PRKN: variants seen among roughly 807,000 people sequenced by gnomAD.
PRKN encodes E3 ubiquitin-protein ligase parkin.
Under a neutral mutation model 59.5 loss-of-function variants are expected in PRKN, and 56 were observed. The ratio of observed to expected loss-of-function variants is 0.94; its 90% confidence interval spans 0.76 to 1.18. PRKN has a LOEUF of 1.18. Ranked by LOEUF, PRKN falls within the 50% of genes most tolerant of loss-of-function variation. The pLI is 0.00. For missense variants in PRKN, 657 were observed against 596.4 expected (o/e 1.10, Z -1.06); for synonymous variants, 250 against 222.1 (o/e 1.13, Z -1.12).
chr6:161,711,087 C>A (rs979181135), intron 7 of PRKN, among the ~76,000 whole-genome samples: 1 of 151,974 alleles, frequency 6.6e-6, no homozygotes, highest in Non-Finnish European at 1.5e-5. Flanking sequence ...AAAAACCTAT[C>A]TTTTCAGACA....
chr6:162,040,060 T>C (rs1001898176), intron 5 of PRKN, among the ~76,000 whole-genome samples: 1 of 152,188 alleles, frequency 6.6e-6, no homozygotes, highest in Non-Finnish European at 1.5e-5. Flanking sequence ...GTTTAAAAGC[T>C]GGGAGGTGGA....
rs115115938 is a variant in PRKN, at chr6:161,741,645, C to T, written c.871+44127G>A. ...GGATGAGGCCTGGGCAGTAAACACA[C>T]CACGAGGGTTCAAACTGGTCTGGGG... On this transcript the variant is annotated intron_variant, in intron 7 of 11. Coordinates refer to ENST00000366898, the MANE Select transcript of PRKN (RefSeq NM_004562.3). 1.8e-3 allele frequency among the ~76,000 whole-genome samples: 271 copies of T among 152,210 alleles called. 2 individuals carry two copies. Among genetic ancestry groups the T allele is most frequent in the African/African-American group, 6.3e-3 (260 of 41,558 alleles).
intron 6 of PRKN, among the ~76,000 whole-genome samples, chr6:161,943,655 G>A (rs1366130893): frequency 1.3e-5 from 2 of 151,450 alleles, no homozygotes; most frequent in Non-Finnish European, 2.9e-5. Context: ...TGAGGGATCA[G>A]CCTTGAGGAA....
chr6:162,333,771 T>G (rs1242003205), intron 2 of PRKN, among the ~76,000 whole-genome samples: 1 of 151,922 alleles, frequency 6.6e-6, no homozygotes, highest in Non-Finnish European at 1.5e-5. Flanking sequence ...AAATCAAAGC[T>G]AGAAATGATA....
chr6:162,282,200 A>T (rs147308888), intron 2 of PRKN, among the ~76,000 whole-genome samples: 2 of 152,324 alleles, frequency 1.3e-5, no homozygotes, highest in East Asian at 3.9e-4. Context: ...GGTCAAAGGC[A>T]GAATTAATGG....
At chr6:162,331,355 C>G (rs1374059278) in intron 2 of PRKN, among the ~76,000 whole-genome samples, 1 of 152,172 alleles carries the variant, frequency 6.6e-6, no homozygotes, top group African/African-American at 2.4e-5. Flanking sequence ...GTGGGTTTAA[C>G]TTTCCTTTCA....
intron 7 of PRKN, among the ~76,000 whole-genome samples, chr6:161,628,088 C>T (rs1783158656): frequency 2.0e-5 from 3 of 152,098 alleles, no homozygotes; most frequent in Non-Finnish European, 2.9e-5. Flanking sequence ...GTATACAATA[C>T]TTCTAAATAT....
At position 161,454,013 on chromosome 6, in the gene PRKN, G is replaced by A. The variant is rs912903638; in HGVS notation, c.1084-67136C>T. ...AATATATAACAGAAGTGTTTTCTTG[G>A]TGTCTGCAATGCAAATTCTGATGTC... is the stretch of plus-strand genomic sequence containing the variant. On this transcript the variant is annotated intron_variant, in intron 9 of 11. Transcript: ENST00000366898. This position sits in a 1 kb window ranked among gnomAD's most constrained non-coding sequence, Gnocchi z 4.6. 2.0e-5 allele frequency among the ~76,000 whole-genome samples: 3 copies of A among 151,906 alleles called. No individual in the cohort carries two copies. The East Asian group carries it at 5.8e-4, about 29-fold the overall frequency.
At chr6:162,360,597 C>A (rs1785092589) in intron 2 of PRKN, among the ~76,000 whole-genome samples, 1 of 151,786 alleles carries the variant, frequency 6.6e-6, no homozygotes, top group Non-Finnish European at 1.5e-5. Context: ...AAAAAACAAA[C>A]AAAAAAACCA....
At chr6:161,698,479 T>C (rs574104316) in intron 7 of PRKN, among the ~76,000 whole-genome samples, 3 of 152,150 alleles carry the variant, frequency 2.0e-5, no homozygotes, top group Non-Finnish European at 4.4e-5. Flanking sequence ...ATTCTAAAGT[T>C]TATGTGGAAG....
intron 2 of PRKN, among the ~76,000 whole-genome samples, chr6:162,265,859 G>A (rs1583288510): frequency 6.6e-6 from 1 of 152,254 alleles, no homozygotes; most frequent in East Asian, 1.9e-4. Flanking sequence ...ATGAGAAGAT[G>A]GCATACTTTT....
In PRKN at chr6:162,071,514, C is replaced by A. The variant is rs371435843; in HGVS notation, c.535-17340G>T. On this transcript the variant is annotated intron_variant, in intron 4 of 11. Coordinates refer to ENST00000366898, the MANE Select transcript of PRKN (RefSeq NM_004562.3). ...TTCTCCAAAAGTTCCAATAGGATCC[C>A]TCTTAAATTTCCATCAGGTCATGGG... Among the ~76,000 whole-genome samples, 261 of 151,980 alleles carry A rather than the reference C, an allele frequency of 1.7e-3. 2 individuals carry two copies. Among genetic ancestry groups the A allele is most frequent in the African/African-American group, 6.1e-3 (251 of 41,446 alleles).
intron 7 of PRKN, among the ~76,000 whole-genome samples, chr6:161,677,070 C>T (rs1248746533): frequency 6.6e-6 from 1 of 152,106 alleles, no homozygotes; most frequent in Non-Finnish European, 1.5e-5. Context: ...TACATCAATT[C>T]TTGTGATTTT....
rs557665439 is a variant in PRKN, at chr6:161,902,524, G to GTCTATCTATCTATCTATCTA, written c.734+70758_734+70777dup. Among the ~76,000 whole-genome samples the GTCTATCTATCTATCTATCTA allele has an allele frequency of 3.5e-3, 468 of 133,032 alleles. 19 individuals are homozygous for GTCTATCTATCTATCTATCTA. Among genetic ancestry groups the GTCTATCTATCTATCTATCTA allele is most frequent in the African/African-American group, 8.3e-3 (281 of 33,988 alleles). The allele number at this position is 133,032 out of a possible 152,430, so 87.3% of individuals were successfully genotyped here. Reference sequence around the variant, plus strand: ...GTGTGTGTAAATGTAATAGACATCCGTCTATCTATCTATCTATCTATCTAT... The same window carrying GTCTATCTATCTATCTATCTA: ...GTGTGTGTAAATGTAATAGACATCCGTCTATCTATCTATCTATCTATCTATCTATCTATCTATCTATCTAT... On this transcript the variant is annotated intron_variant, in intron 6 of 11. Coordinates refer to ENST00000366898, the MANE Select transcript of PRKN (RefSeq NM_004562.3).
At chr6:161,517,726 T>A (rs549950763) in intron 9 of PRKN, among the ~76,000 whole-genome samples, 38 of 99,212 alleles carry the variant, frequency 3.8e-4, no homozygotes, top group Non-Finnish European at 5.9e-4. Flanking sequence ...GGTGACAGAG[T>A]GAGACTCTAT....
Position 162,443,350 on chromosome 6 carries a change from A to T in PRKN, c.131T>A (p.Ile44Asn). ...QGVPADQLRV[I>N]FAGKELRNDW... ...ATTCCTCAGCTCCTTCCCTGCGAAA[A>T]TCACACGCAACTGGTCAGCCGGAAC... The change falls in exon 2 of 12, where the codon ATT becomes AAT. Residue 44 changes from isoleucine to asparagine, a missense_variant. By Grantham distance (149) the Ile-to-Asn change is moderately radical. Coordinates refer to ENST00000366898, the MANE Select transcript of PRKN (RefSeq NM_004562.3). The T allele has an allele frequency of 6.2e-7, 1 of 1,613,218 alleles. No homozygotes were observed. Among genetic ancestry groups the T allele is most frequent in the African/African-American group, 1.3e-5 (1 of 75,024 alleles).
chr6:161,870,186 GT>G (rs1463905229), intron 6 of PRKN, among the ~76,000 whole-genome samples: 10 of 152,090 alleles, frequency 6.6e-5, no homozygotes, highest in Non-Finnish European at 1.5e-5. Flanking sequence ...AGAGAAGTAC[GT>G]TTCCTAATAT....
chr6:161,461,342 G>A lies in PRKN; in HGVS notation c.1084-74465C>T, dbSNP rs539792259. On this transcript the variant is annotated intron_variant, in intron 9 of 11. Transcript: ENST00000366898. This position sits in a 1 kb window ranked among gnomAD's most constrained non-coding sequence, Gnocchi z 5.1. ...AGAGGGAGGGTAGGTGGAAGATGAG[G>A]CCAGAGGGTCCAGAAAACAAAGTAG... Among the ~76,000 whole-genome samples the A allele has an allele frequency of 1.3e-5, 2 of 152,266 alleles. No homozygotes were observed. Among genetic ancestry groups the A allele is most frequent in the African/African-American group, 4.8e-5 (2 of 41,546 alleles).
At chr6:161,868,376 C>T (rs2128226135) in intron 6 of PRKN, among the ~76,000 whole-genome samples, 1 of 151,834 alleles carries the variant, frequency 6.6e-6, no homozygotes, top group South Asian at 2.1e-4. Flanking sequence ...GCTAGGAGTT[C>T]AAGACCAGCC....
Sources: gnomAD v4.1 joint callset for allele counts (sites outside exome capture counted in the v4.1 genomes callset) on GRCh38, gnomAD v4.1.1 for gene constraint, Gnocchi (gnomAD v3.1) non-coding constraint, MANE v1.5 for transcripts, NCBI Gene and HGNC (gene_info 2026-07-23, HGNC 2026-07-21) for gene names.